Variants in ADAMTS17 observed in about 807,000 individuals in gnomAD.
The protein encoded by ADAMTS17 is ADAM metallopeptidase with thrombospondin type 1 motif 17, also known as A disintegrin and metalloproteinase with thrombospondin motifs 17.
Under a neutral mutation model 141.5 loss-of-function variants are expected in ADAMTS17, and 113 were observed. That is an observed-to-expected ratio of 0.80 (90% CI 0.69 to 0.93). The LOEUF is 0.93. ADAMTS17 is among the 40% of genes least tolerant of loss of function. ADAMTS17 has a pLI of 0.00. For missense variants in ADAMTS17, 1,659 were observed against 1,517.9 expected, an observed-to-expected ratio of 1.09 and a Z score of -1.54; for synonymous variants, 768 against 630.6, an observed-to-expected ratio of 1.22 and a Z score of -3.27.
intron 2 of ADAMTS17, chr15:100,339,235 G>A (rs939386418): frequency 2.3e-6 from 2 of 868,426 alleles, no homozygotes; most frequent in Non-Finnish European, 2.8e-6. Context: ...TGCCATCTAT[G>A]ACAGGGCCCA....
intron 18 of ADAMTS17, among the ~76,000 whole-genome samples, chr15:100,031,985 T>C (rs1330098167): frequency 1.3e-5 from 2 of 152,206 alleles, no homozygotes; most frequent in African/African-American, 2.4e-5. Flanking sequence ...ACACAGACCA[T>C]ACAGGAATGA....
intron 7 of ADAMTS17, among the ~76,000 whole-genome samples, chr15:100,231,714 G>A (rs2042487453): frequency 6.6e-6 from 1 of 152,190 alleles, no homozygotes; most frequent in African/African-American, 2.4e-5. Flanking sequence ...CTGGTCAGGT[G>A]CCGGTTTTTC....
At chr15:100,065,819 G>A (rs2033477580) in intron 15 of ADAMTS17, among the ~76,000 whole-genome samples, 1 of 152,182 alleles carries the variant, frequency 6.6e-6, no homozygotes. Flanking sequence ...CCATCACCTC[G>A]GTTTTAAGCC....
chr15:100,065,325 G>A (rs1217729795), intron 15 of ADAMTS17, among the ~76,000 whole-genome samples: 4 of 152,148 alleles, frequency 2.6e-5, no homozygotes, highest in Admixed American at 2.0e-4. Flanking sequence ...GCTAGGTAAT[G>A]TATGTATAAG....
chr15:100,158,870 T>C (rs898930392), intron 8 of ADAMTS17, among the ~76,000 whole-genome samples: 3 of 152,188 alleles, frequency 2.0e-5, no homozygotes, highest in Non-Finnish European at 1.5e-5. Context: ...CGTGAAAAGA[T>C]GCCCAACGTC....
At chr15:100,281,115 C>A in intron 4 of ADAMTS17, 114 bp downstream of exon 4, 2 of 1,448,788 alleles carry the variant, frequency 1.4e-6, no homozygotes, top group Non-Finnish European at 1.9e-6. Context: ...GTTCCCGTAT[C>A]CCCAACCCAG....
intron 15 of ADAMTS17, among the ~76,000 whole-genome samples, chr15:100,060,304 C>T (rs2033015195): frequency 6.6e-6 from 1 of 152,256 alleles, no homozygotes; most frequent in African/African-American, 2.4e-5. Flanking sequence ...CGGGTGGGTA[C>T]ACTTTCCTTT....
chr15:100,133,072 T>G, intron 11 of ADAMTS17, 142 bp downstream of exon 11: 1 of 681,042 alleles, frequency 1.5e-6, no homozygotes, highest in South Asian at 1.9e-5. Flanking sequence ...GTGCCCGGAG[T>G]GGCCTCCATG....
intron 7 of ADAMTS17, among the ~76,000 whole-genome samples, chr15:100,248,745 G>C (rs1428732725): frequency 6.6e-6 from 1 of 152,018 alleles, no homozygotes; most frequent in Non-Finnish European, 1.5e-5. Flanking sequence ...TTCCAGCGAA[G>C]CCTAAGAAGT....
intron 4 of ADAMTS17, among the ~76,000 whole-genome samples, chr15:100,264,860 T>C (rs918475254): frequency 8.5e-5 from 13 of 152,082 alleles, no homozygotes; most frequent in Non-Finnish European, 1.8e-4. Context: ...AGTTTCCGTT[T>C]TGCAAGATAA....
At chr15:100,156,151 C>T (rs564528693) in intron 8 of ADAMTS17, among the ~76,000 whole-genome samples, 2 of 152,330 alleles carry the variant, frequency 1.3e-5, no homozygotes, top group South Asian at 4.1e-4. Context: ...AAGGAAAAGA[C>T]CTCAAATCAC....
At chr15:100,209,708 C>T (rs2041726852) in intron 7 of ADAMTS17, among the ~76,000 whole-genome samples, 1 of 152,024 alleles carries the variant, frequency 6.6e-6, no homozygotes. Context: ...GTGGCAGAAT[C>T]AGTGGCAGAC....
chr15:100,261,589 G>A lies in ADAMTS17; in HGVS notation c.921C>T (p.Phe307=), dbSNP rs766858150. 1.9e-5 allele frequency: 31 copies of A among 1,614,032 alleles called. No homozygotes were observed. Among genetic ancestry groups the A allele is most frequent in the Admixed American group, 6.7e-5 (4 of 60,004 alleles). The change falls in exon 6 of 22, where the codon TTC becomes TTT. Residue 307 remains phenylalanine, a synonymous_variant. Transcript: ENST00000268070. The part of the protein sequence containing the change: ...GHHGERSLES[F]CHWQNEEYGG... ...CATACTCCTCGTTCTGCCAGTGACA[G>A]AAGCTCTCCAGGGACCGCTCACCAT...
intron 3 of ADAMTS17, among the ~76,000 whole-genome samples, chr15:100,307,945 T>C (rs1490509402): frequency 6.6e-6 from 1 of 152,248 alleles, no homozygotes; most frequent in Admixed American, 6.5e-5. Context: ...GTTTTTTCTA[T>C]GAAAAATACA....
At chr15:100,313,121 A>G (rs1483488171) in intron 3 of ADAMTS17, among the ~76,000 whole-genome samples, 1 of 152,208 alleles carries the variant, frequency 6.6e-6, no homozygotes, top group East Asian at 1.9e-4. Flanking sequence ...TCCATGGTTC[A>G]TAAATTGTTT....
chr15:100,098,265 A>C (rs952655472), intron 14 of ADAMTS17, among the ~76,000 whole-genome samples: 1 of 151,762 alleles, frequency 6.6e-6, no homozygotes, highest in African/African-American at 2.4e-5. Context: ...AGCTGTGATG[A>C]GGCACCGTGA....
intron 15 of ADAMTS17, among the ~76,000 whole-genome samples, chr15:100,073,548 T>C (rs2034141507): frequency 6.6e-6 from 1 of 151,788 alleles, no homozygotes; most frequent in African/African-American, 2.4e-5. Context: ...ATTAAAAAAA[T>C]GTGGCACATA....
intron 15 of ADAMTS17, among the ~76,000 whole-genome samples, chr15:100,072,759 A>C (rs1385847588): frequency 2.0e-5 from 3 of 152,208 alleles, no homozygotes; most frequent in Non-Finnish European, 4.4e-5. Flanking sequence ...AATTAATTCA[A>C]GATGGATTAA....
At chr15:100,012,653 A>C (rs2141410922) in intron 18 of ADAMTS17, among the ~76,000 whole-genome samples, 1 of 152,112 alleles carries the variant, frequency 6.6e-6, no homozygotes, top group South Asian at 2.1e-4. Context: ...TCCTTTCCCC[A>C]CTTTATGTTT....
Sources: gnomAD v4.1 joint callset for allele counts (sites outside exome capture counted in the v4.1 genomes callset) on GRCh38, gnomAD v4.1.1 for gene constraint, MANE v1.5 for transcripts, NCBI Gene and HGNC (gene_info 2026-07-23, HGNC 2026-07-21) for gene names.